Variants in TAF4 observed in about 807,000 individuals in gnomAD.
TAF4 encodes the protein transcription initiation factor TFIID subunit 4.
In TAF4, 9 loss-of-function variants were observed where a neutral mutation model predicts 90.3. The observed-to-expected ratio is 0.10, with a 90% CI of 0.06 to 0.17. The LOEUF (loss-of-function observed/expected upper bound fraction) is 0.17, where lower values mean the gene tolerates loss of function less well. TAF4 is among the 10% of genes least tolerant of loss of function. TAF4 has a pLI of 1.00. For synonymous variants in TAF4, 818 were observed against 638.9 expected (o/e 1.28, Z -4.23); for missense variants, 1,351 against 1,370.7 (o/e 0.99, Z 0.23).
At chr20:62,049,014 C>T (rs2056011137) in intron 1 of TAF4, among the ~76,000 whole-genome samples, 1 of 146,248 alleles carries the variant, frequency 6.8e-6, no homozygotes. Context: ...ATGCCCACCT[C>T]GGTCACTGGG....
Position 62,006,633 on chromosome 20 carries a change from G to A in TAF4, c.2100C>T (p.Ser700=), listed in dbSNP as rs2055747552. 2.5e-6 allele frequency: 4 copies of A among 1,605,000 alleles called. No individual in the cohort carries two copies. Among genetic ancestry groups the A allele is most frequent in the Admixed American group, 1.7e-5 (1 of 59,262 alleles). The change falls in exon 7 of 15, where the codon AGC becomes AGT. Residue 700 remains serine, a synonymous_variant. Transcript: ENST00000252996. This position sits in a 1 kb window ranked among gnomAD's most constrained non-coding sequence, Gnocchi z 7.0. ...TCTTCCCGGCCGTGCGCTGGACCGA[G>A]CTACTCAGCACCACGGCCGTGAGCG... ...TTALTAVVLS[S]SVQRTAGKTA... is the part of the protein sequence containing the mutation.
chr20:61,991,453 G>C (rs2055630936), intron 14 of TAF4, among the ~76,000 whole-genome samples: 1 of 151,740 alleles, frequency 6.6e-6, no homozygotes, highest in African/African-American at 2.4e-5. Context: ...AAAAGAGAGA[G>C]AGAAATTAGG....
chr20:61,977,175 C>CCA (rs1176383924), intron 14 of TAF4, among the ~76,000 whole-genome samples: 127 of 142,932 alleles, frequency 8.9e-4, no homozygotes, highest in Non-Finnish European at 1.4e-3. Context: ...GGGGCACGAG[C>CCA]CACACACACG....
chr20:62,032,641 A>C (rs1295144637), intron 1 of TAF4, among the ~76,000 whole-genome samples: 1 of 152,266 alleles, frequency 6.6e-6, no homozygotes. Flanking sequence ...AATCCCATGC[A>C]CAATTTCAAG....
At chr20:62,052,323 C>A (rs906700873) in intron 1 of TAF4, among the ~76,000 whole-genome samples, 12 of 151,822 alleles carry the variant, frequency 7.9e-5, no homozygotes, top group African/African-American at 2.7e-4. Context: ...GAGCATGGCT[C>A]CAAGATCTCT....
At chr20:62,011,800 C>G (rs886123346) in intron 3 of TAF4, among the ~76,000 whole-genome samples, 4 of 152,348 alleles carry the variant, frequency 2.6e-5, no homozygotes, top group African/African-American at 9.6e-5. Context: ...CACTGCCTGG[C>G]TCATGGCAGG....
rs774042619 is a variant in TAF4 at position 61,976,249 on chromosome 20, G to A, written c.3177C>T (p.Asn1059=). ...QFTRQRITRV[N]LRDLIFCLEN... ...CTAAACAAAATATGAGGTCCCTGAG[G>A]TTGACCCGCGTGATTCTTTGTCGCG... Residue 1059 remains asparagine (N), a synonymous_variant, in exon 15 of 15, where the codon AAC becomes AAT. Coordinates refer to ENST00000252996, the MANE Select transcript of TAF4 (RefSeq NM_003185.4). 2.5e-6 allele frequency: 4 copies of A among 1,614,034 alleles called. No homozygotes were observed. Among genetic ancestry groups the A allele is most frequent in the Admixed American group, 3.3e-5 (2 of 60,030 alleles).
intron 14 of TAF4, among the ~76,000 whole-genome samples, chr20:61,978,083 G>A (rs1054196650): frequency 3.5e-4 from 45 of 129,124 alleles, no homozygotes; most frequent in African/African-American, 1.2e-3. Context: ...AAGGGAGGGC[G>A]CGAGACCAAC....
intron 14 of TAF4, among the ~76,000 whole-genome samples, chr20:61,978,003 T>G (rs192723177): frequency 3.3e-5 from 5 of 152,210 alleles, no homozygotes; most frequent in Admixed American, 3.3e-4. Flanking sequence ...AATCAAGATA[T>G]TCTAACGCAA....
intron 1 of TAF4, among the ~76,000 whole-genome samples, chr20:62,017,621 T>A (rs1466381852): frequency 6.6e-6 from 1 of 152,178 alleles, no homozygotes; most frequent in Non-Finnish European, 1.5e-5. Context: ...CACTCCAGTC[T>A]AGGCGACAGA....
At chr20:62,049,711 A>G (rs2056015399) in intron 1 of TAF4, among the ~76,000 whole-genome samples, 3 of 140,690 alleles carry the variant, frequency 2.1e-5, no homozygotes, top group Admixed American at 2.1e-4. Context: ...CACAGCTGCC[A>G]CCAGGGTCAC....
rs1457618897 is a variant in TAF4 at position 62,048,939 on chromosome 20, C to T, written c.1360+15512G>A. Among the ~76,000 whole-genome samples, 282 of 143,850 alleles carry T rather than the reference C, an allele frequency of 2.0e-3. 7 individuals carry two copies. Among genetic ancestry groups the T allele is most frequent in the Non-Finnish European group, 4.3e-4 (28 of 65,600 alleles). The allele number at this position is 143,850 out of a possible 152,430, so 94.4% of individuals were successfully genotyped here. On this transcript the variant is annotated intron_variant, in intron 1 of 14. Transcript: ENST00000252996. The stretch of plus-strand genomic sequence containing the variant: ...TTGGTCACCAAGCTCCATCGTCCCG[C>T]GGCCCTCTCCCTGCATGCCCACCTC...
At chr20:62,013,404 T>C (rs933854617) in intron 2 of TAF4, among the ~76,000 whole-genome samples, 1 of 152,164 alleles carries the variant, frequency 6.6e-6, no homozygotes, top group Non-Finnish European at 1.5e-5. Flanking sequence ...ATGAAGTTTG[T>C]CGGAGAGAGA....
intron 1 of TAF4, among the ~76,000 whole-genome samples, chr20:62,029,683 G>A (rs571404442): frequency 2.6e-5 from 4 of 152,234 alleles, no homozygotes; most frequent in Admixed American, 1.3e-4. Context: ...CGAGGCAGGC[G>A]GATCACGAGG....
intron 4 of TAF4, among the ~76,000 whole-genome samples, 156 bp downstream of exon 4, chr20:62,009,890 C>T (rs1164650397): frequency 3.3e-5 from 5 of 152,186 alleles, no homozygotes; most frequent in African/African-American, 4.8e-5. Context: ...CAGCAGAGCC[C>T]CACGTGCTCA....
chr20:61,999,722 G>A (rs1015194851), intron 11 of TAF4, among the ~76,000 whole-genome samples: 1 of 152,328 alleles, frequency 6.6e-6, no homozygotes, highest in African/African-American at 2.4e-5. Flanking sequence ...AAGTCAGGAG[G>A]ATCACTTGAG....
At position 61,999,211 on chromosome 20, in the gene TAF4, C is replaced by T. The variant is rs1158285529; in HGVS notation, c.2788-103G>A. The T allele has an allele frequency of 1.6e-5, 24 of 1,458,268 alleles. 1 individual carries two copies. The highest frequency in any genetic ancestry group is 3.8e-5 in the South Asian group (3 of 79,362). 90.3% of individuals were successfully genotyped at this position (1,458,268 alleles called of 1,614,324 possible). On this transcript the variant is annotated intron_variant, in intron 11 of 14. Transcript: ENST00000252996. ...CCATCCGTGCACAACGCCCTCCCTC[C>T]GTCCAGTCTGAATGCGGCGAGGACC... is the stretch of plus-strand genomic sequence containing the variant.
intron 14 of TAF4, among the ~76,000 whole-genome samples, chr20:61,994,774 C>T (rs569713936): frequency 6.6e-6 from 1 of 152,324 alleles, no homozygotes; most frequent in Admixed American, 6.5e-5. Flanking sequence ...CGGTGCAAGA[C>T]CAGCCAATGT....
chr20:62,044,935 CAGG>C (rs1209488371), intron 1 of TAF4, among the ~76,000 whole-genome samples: 1 of 152,104 alleles, frequency 6.6e-6, no homozygotes, highest in Non-Finnish European at 1.5e-5. Flanking sequence ...GAGCGAAGGC[CAGG>C]AGGAGACCCA....
Sources: gnomAD v4.1 joint callset for allele counts (sites outside exome capture counted in the v4.1 genomes callset) on GRCh38, gnomAD v4.1.1 for gene constraint, Gnocchi (gnomAD v3.1) non-coding constraint, MANE v1.5 for transcripts, NCBI Gene and HGNC (gene_info 2026-07-23, HGNC 2026-07-21) for gene names.